Variants in EPB41L4A observed in about 807,000 individuals in gnomAD.
EPB41L4A encodes the protein erythrocyte membrane protein band 4.1 like 4A, also known as band 4.1-like protein 4A.
In EPB41L4A, 100 loss-of-function variants were observed where a neutral mutation model predicts 108.6. That is an observed-to-expected ratio of 0.92 (90% CI 0.78 to 1.09). The LOEUF is 1.09. Among genes scored for constraint, EPB41L4A ranks in the 50% least tolerant of loss-of-function variants. EPB41L4A has a pLI of 0.00. For synonymous variants in EPB41L4A, 319 were observed against 289.0 expected, an observed-to-expected ratio of 1.10 and a Z score of -1.05; for missense variants, 1,030 against 842.7, an observed-to-expected ratio of 1.22 and a Z score of -2.75.
rs556878583 is a variant in EPB41L4A at position 112,268,990 on chromosome 5, CAAAG to C, written c.336-2664_336-2661del. The stretch of plus-strand genomic sequence containing the variant: ...GAGATTAAAAATATGTATTAGAAAA[CAAAG>C]AGCTGAAATACAGACAAACACATAC... On this transcript the variant is annotated intron_variant, in intron 4 of 22. Transcript: ENST00000261486. Among the ~76,000 whole-genome samples, 21 of 150,034 alleles carry C rather than the reference CAAAG, an allele frequency of 1.4e-4. No individual in the cohort carries two copies. In the East Asian group the frequency reaches 4.1e-3, roughly 30 times the overall value.
At chr5:112,240,528 A>G (rs1280470000) in intron 10 of EPB41L4A, among the ~76,000 whole-genome samples, 191 bp downstream of exon 10, 2 of 152,138 alleles carry the variant, frequency 1.3e-5, no homozygotes, top group Non-Finnish European at 2.9e-5. Flanking sequence ...ATAAGTGCCT[A>G]TGTGTATATA....
intron 1 of EPB41L4A, among the ~76,000 whole-genome samples, chr5:112,414,634 C>T (rs2112832167): frequency 6.6e-6 from 1 of 152,290 alleles, no homozygotes; most frequent in Non-Finnish European, 1.5e-5. Context: ...CCAAGAATAC[C>T]AGAAGCACCT....
chr5:112,246,464 C>A (rs1432503257), intron 9 of EPB41L4A, among the ~76,000 whole-genome samples: 2 of 151,984 alleles, frequency 1.3e-5, no homozygotes, highest in Non-Finnish European at 2.9e-5. Context: ...ATTTGGGGAC[C>A]CCAAACTCAT....
chr5:112,309,826 C>G (rs1312878896), intron 1 of EPB41L4A, among the ~76,000 whole-genome samples: 1 of 152,200 alleles, frequency 6.6e-6, no homozygotes, highest in Non-Finnish European at 1.5e-5. Context: ...GGGTTCCACC[C>G]TTCCCTCTCA....
At chr5:112,196,434 T>C (rs976866350) in intron 15 of EPB41L4A, among the ~76,000 whole-genome samples, 1 of 152,258 alleles carries the variant, frequency 6.6e-6, no homozygotes, top group Non-Finnish European at 1.5e-5. Flanking sequence ...GGGCCATTGT[T>C]AGCACTCAAC....
rs1355582192 is a variant in EPB41L4A at position 112,184,100 on chromosome 5, G to A, written c.1538C>T (p.Pro513Leu). The A allele has an allele frequency of 4.3e-6, 7 of 1,613,838 alleles. No homozygotes were observed. Among genetic ancestry groups the A allele is most frequent in the Non-Finnish European group, 5.9e-6 (7 of 1,179,928 alleles). ...RQENDMVDSA[P>L]QWEAVLRRQK... ...TCTCCTTAATACAGCTTCCCACTGA[G>A]GCGCTGAATCAACCATATCATTCTC... Residue 513 changes from proline (P) to leucine (L), a missense_variant, in exon 18 of 23, where the codon CCT becomes CTT. Transcript: ENST00000261486.
intron 2 of EPB41L4A, among the ~76,000 whole-genome samples, chr5:112,289,385 T>C (rs577478495): frequency 1.3e-5 from 2 of 152,232 alleles, no homozygotes; most frequent in South Asian, 4.2e-4. Flanking sequence ...GGAGCCTAAG[T>C]AGCCTACTCA....
intron 1 of EPB41L4A, among the ~76,000 whole-genome samples, chr5:112,373,618 G>A (rs1759629335): frequency 6.6e-6 from 1 of 152,172 alleles, no homozygotes; most frequent in Non-Finnish European, 1.5e-5. Flanking sequence ...TTTACGAAGA[G>A]GAAACTGAGA....
At chr5:112,185,627 A>G (rs11241152) in intron 17 of EPB41L4A, among the ~76,000 whole-genome samples, 3,989 of 152,322 alleles carry the variant, frequency 0.026, 198 homozygotes, top group Admixed American at 0.12. Flanking sequence ...GAAGATTAAC[A>G]GGATACTGTC....
At chr5:112,178,400 T>C (rs180987250) in intron 18 of EPB41L4A, among the ~76,000 whole-genome samples, 3 of 152,170 alleles carry the variant, frequency 2.0e-5, no homozygotes, top group East Asian at 1.9e-4. Context: ...ACTTGAAAAG[T>C]AGATGAAGAA....
rs529469686 is a variant in EPB41L4A, at chr5:112,251,495, T to C, written c.795+7734A>G. On this transcript the variant is annotated intron_variant, in intron 9 of 22. Coordinates refer to ENST00000261486, the MANE Select transcript of EPB41L4A (RefSeq NM_022140.5). The stretch of plus-strand genomic sequence containing the variant: ...CTGATACAGAATGATTTCTAGGAGA[T>C]ATTACTAAGTGGGGAAAAAACCCCA... 3.9e-5 allele frequency among the ~76,000 whole-genome samples: 6 copies of C among 152,232 alleles called. 1 individual carries two copies. In the East Asian group the frequency reaches 1.2e-3, roughly 29 times the overall value.
At chr5:112,365,102 A>G (rs391701) in intron 1 of EPB41L4A, among the ~76,000 whole-genome samples, 19,246 of 152,270 alleles carry the variant, frequency 0.13, 1,321 homozygotes, top group Non-Finnish European at 0.14. Context: ...TACTAAATCA[A>G]TGCTTGTTGA....
At chr5:112,364,622 A>G (rs1759007520) in intron 1 of EPB41L4A, among the ~76,000 whole-genome samples, 1 of 152,228 alleles carries the variant, frequency 6.6e-6, no homozygotes, top group Non-Finnish European at 1.5e-5. Context: ...GCTATAGTTA[A>G]GCATTTTTTC....
chr5:112,274,488 A>G (rs1445377424), intron 4 of EPB41L4A, among the ~76,000 whole-genome samples: 1 of 152,194 alleles, frequency 6.6e-6, no homozygotes, highest in African/African-American at 2.4e-5. Flanking sequence ...GAATAAAGAA[A>G]AAAGAAAGTC....
At chr5:112,294,049 C>G (rs1299635763) in intron 2 of EPB41L4A, among the ~76,000 whole-genome samples, 2 of 152,176 alleles carry the variant, frequency 1.3e-5, no homozygotes, top group African/African-American at 4.8e-5. Flanking sequence ...CCTTTTATTA[C>G]ATACTACACC....
chr5:112,306,877 T>C (rs1175993042), intron 2 of EPB41L4A, among the ~76,000 whole-genome samples: 1 of 152,164 alleles, frequency 6.6e-6, no homozygotes, highest in Non-Finnish European at 1.5e-5. Flanking sequence ...AAGTTGCCTT[T>C]ATTACTCTTA....
At chr5:112,242,051 G>A (rs570425762) in intron 9 of EPB41L4A, among the ~76,000 whole-genome samples, 2 of 152,298 alleles carry the variant, frequency 1.3e-5, no homozygotes, top group South Asian at 2.1e-4. Context: ...CCTCAATGTT[G>A]ATGGCTACTG....
At chr5:112,265,922 G>C (rs1030639020) in intron 5 of EPB41L4A, among the ~76,000 whole-genome samples, 5 of 152,330 alleles carry the variant, frequency 3.3e-5, no homozygotes, top group Middle Eastern at 3.4e-3. Context: ...GGGAGAGGGT[G>C]TGGGGAGGAA....
chr5:112,290,172 C>T (rs1753555888), intron 2 of EPB41L4A, among the ~76,000 whole-genome samples: 1 of 147,572 alleles, frequency 6.8e-6, no homozygotes, highest in African/African-American at 2.6e-5. Flanking sequence ...TCCACAAAGA[C>T]ATCATACAAA....
Sources: gnomAD v4.1 joint callset for allele counts (sites outside exome capture counted in the v4.1 genomes callset) on GRCh38, gnomAD v4.1.1 for gene constraint, MANE v1.5 for transcripts, NCBI Gene and HGNC (gene_info 2026-07-23, HGNC 2026-07-21) for gene names.